The following MIPOL1 variants were observed in gnomAD, a reference collection of about 807,000 sequenced individuals.
The protein encoded by MIPOL1 is mirror-image polydactyly 1.
In MIPOL1, 57 loss-of-function variants were observed where a neutral mutation model predicts 60.9. That is an observed-to-expected ratio of 0.94 (90% CI 0.76 to 1.17). The LOEUF (loss-of-function observed/expected upper bound fraction) is 1.17, where lower values mean the gene tolerates loss of function less well. Ranked by LOEUF, MIPOL1 falls within the 50% of genes most tolerant of loss-of-function variation. The probability of loss-of-function intolerance (pLI) is 0.00; values close to 1 mark genes in which losing one functional copy is unlikely to be tolerated. For synonymous variants in MIPOL1, 179 were observed against 168.8 expected (o/e 1.06, Z -0.47); for missense variants, 551 against 511.6 (o/e 1.08, Z -0.74).
At chr14:37,199,612 C>T (rs1274887510) in intron 1 of MIPOL1, among the ~76,000 whole-genome samples, 1 of 151,974 alleles carries the variant, frequency 6.6e-6, no homozygotes, top group East Asian at 1.9e-4. Flanking sequence ...GCAACCTCCG[C>T]CTCCCGGGAT....
chr14:37,500,195 T>G (rs2095195871), intron 12 of MIPOL1, 57 bp downstream of exon 12: 2 of 1,160,878 alleles, frequency 1.7e-6, no homozygotes, highest in Non-Finnish European at 2.5e-6. Context: ...ACAAAACACT[T>G]TCTTTTGGGA....
chr14:37,337,356 ATTT>A (rs33972471), intron 9 of MIPOL1, among the ~76,000 whole-genome samples: 59 of 29,784 alleles, frequency 2.0e-3, no homozygotes, highest in African/African-American at 3.9e-3. Context: ...ATATATATAT[ATTT>A]TTTTTTTTTT....
At chr14:37,526,821 G>A (rs1412741112) in intron 12 of MIPOL1, among the ~76,000 whole-genome samples, 1 of 151,978 alleles carries the variant, frequency 6.6e-6, no homozygotes, top group Non-Finnish European at 1.5e-5. Flanking sequence ...AAAAATGTGT[G>A]TTCTTTTAAT....
intron 12 of MIPOL1, among the ~76,000 whole-genome samples, chr14:37,518,100 A>G (rs1041323061): frequency 1.3e-5 from 2 of 152,188 alleles, no homozygotes; most frequent in Non-Finnish European, 2.9e-5. Context: ...ATACATCCTT[A>G]GTGGCATATA....
intron 1 of MIPOL1, among the ~76,000 whole-genome samples, chr14:37,233,200 T>G (rs1457464661): frequency 6.6e-6 from 1 of 152,190 alleles, no homozygotes; most frequent in Non-Finnish European, 1.5e-5. Context: ...AGTCATTCTT[T>G]GATTGTTGGG....
chr14:37,302,671 T>C (rs1357482579), intron 7 of MIPOL1, among the ~76,000 whole-genome samples: 1 of 151,340 alleles, frequency 6.6e-6, no homozygotes, highest in Admixed American at 6.6e-5. Context: ...TCTTATATTC[T>C]ACCACCATTT....
At chr14:37,353,764 A>AT (rs2091589696) in intron 9 of MIPOL1, among the ~76,000 whole-genome samples, 1 of 152,064 alleles carries the variant, frequency 6.6e-6, no homozygotes. Flanking sequence ...CCAGTTTATC[A>AT]TTTTTTAATG....
At chr14:37,478,681 T>C (rs1324860782) in intron 11 of MIPOL1, among the ~76,000 whole-genome samples, 1 of 152,100 alleles carries the variant, frequency 6.6e-6, no homozygotes, top group Non-Finnish European at 1.5e-5. Context: ...CTAACTTTAC[T>C]TTTAAGGACA....
intron 12 of MIPOL1, chr14:37,502,020 T>G (rs1239376210): frequency 6.6e-6 from 1 of 152,334 alleles, no homozygotes; most frequent in African/African-American, 2.4e-5. Flanking sequence ...GAGATCCACC[T>G]GTGAGGCTGC....
At chr14:37,268,872 A>T in intron 5 of MIPOL1, 79 bp downstream of exon 5, 2 of 1,190,274 alleles carry the variant, frequency 1.7e-6, no homozygotes, top group Non-Finnish European at 2.3e-6. Flanking sequence ...TGCCCATCAT[A>T]ATTCAGTTTT....
intron 11 of MIPOL1, among the ~76,000 whole-genome samples, chr14:37,454,879 A>G (rs1011908226): frequency 8.5e-5 from 13 of 152,216 alleles, no homozygotes; most frequent in African/African-American, 3.1e-4. Flanking sequence ...AAAAAGGGCA[A>G]TATCGATTAT....
At chr14:37,233,424 A>T (rs1194425148) in intron 1 of MIPOL1, among the ~76,000 whole-genome samples, 6 of 152,240 alleles carry the variant, frequency 3.9e-5, no homozygotes, top group Admixed American at 3.3e-4. Flanking sequence ...AAAGATAAAA[A>T]ATATAAACTT....
chr14:37,486,919 C>T (rs989028433), intron 11 of MIPOL1, among the ~76,000 whole-genome samples: 1 of 152,162 alleles, frequency 6.6e-6, no homozygotes, highest in Admixed American at 6.6e-5. Context: ...TGCCAGTTTT[C>T]AAAGGGAATT....
chr14:37,548,827 T>C lies in MIPOL1; in HGVS notation c.*1856T>C, dbSNP rs1226063798. The C allele has an allele frequency of 2.0e-5, 3 of 151,996 alleles. No homozygotes were observed. Among genetic ancestry groups the C allele is most frequent in the African/African-American group, 7.2e-5 (3 of 41,442 alleles). 9.4% of individuals were successfully genotyped at this position (151,996 alleles called of 1,614,324 possible). A position where few individuals can be genotyped will look rare whatever the true frequency, so the allele number is the denominator to read the frequency against. Reference sequence around the variant, plus strand: ...ACATTTCACAATTTCCAAACAAATCTTTCTACGCTTAAATGATCAAATTAG... The same window carrying C: ...ACATTTCACAATTTCCAAACAAATCCTTCTACGCTTAAATGATCAAATTAG... On this transcript the variant is annotated 3_prime_UTR_variant, in exon 13 of 13. Coordinates refer to ENST00000684589, the MANE Select transcript of MIPOL1 (RefSeq NM_001388067.1).
intron 7 of MIPOL1, among the ~76,000 whole-genome samples, chr14:37,292,994 A>G (rs780376496): frequency 2.0e-5 from 3 of 152,064 alleles, no homozygotes; most frequent in Non-Finnish European, 4.4e-5. Flanking sequence ...GGTTCATGCT[A>G]TCTGGCCTCT....
At position 37,384,928 on chromosome 14, in the gene MIPOL1, A is replaced by G. The variant is rs112189484; in HGVS notation, c.936+15304A>G. ...TTTGTAGCAGTTTGGGAATTATTTT[A>G]CTTTCTGTCTTCTATTTTTCTCTGT... On this transcript the variant is annotated intron_variant, in intron 10 of 12. Coordinates refer to ENST00000684589, the MANE Select transcript of MIPOL1 (RefSeq NM_001388067.1). 2.3e-3 allele frequency among the ~76,000 whole-genome samples: 351 copies of G among 152,050 alleles called. 2 individuals are homozygous for G. The highest frequency in any genetic ancestry group is 7.9e-3 in the African/African-American group (329 of 41,542).
chr14:37,546,909 G>A lies in MIPOL1; in HGVS notation c.1267G>A (p.Glu423Lys), dbSNP rs754286758. Residue 423 changes from glutamate to lysine, a missense_variant, in exon 13 of 13, where the codon GAA becomes AAA. By Grantham distance (56) the Glu-to-Lys change is moderately conservative. Coordinates refer to ENST00000684589, the MANE Select transcript of MIPOL1 (RefSeq NM_001388067.1). ...QVANEKVQKL[E>K]RLVDVLRKKV... ...CCCATCCCAACCCCAACTTAGGTTGGAAAGGCTGGTGGATGTACTGAGGAA... is the reference window on the plus strand; with the variant it reads ...CCCATCCCAACCCCAACTTAGGTTGAAAAGGCTGGTGGATGTACTGAGGAA... The A allele has an allele frequency of 8.7e-6, 14 of 1,607,064 alleles. No homozygotes were observed. Among genetic ancestry groups the A allele is most frequent in the Non-Finnish European group, 8.5e-7 (1 of 1,176,132 alleles).
chr14:37,351,694 G>A (rs1443477320), intron 9 of MIPOL1, among the ~76,000 whole-genome samples: 2 of 136,442 alleles, frequency 1.5e-5, no homozygotes, highest in African/African-American at 2.8e-5. Flanking sequence ...TTTTTTGGCT[G>A]CATAAATGTC....
chr14:37,268,989 A>G (rs556132423), intron 5 of MIPOL1, among the ~76,000 whole-genome samples, 196 bp downstream of exon 5: 1 of 152,172 alleles, frequency 6.6e-6, no homozygotes, highest in African/African-American at 2.4e-5. Flanking sequence ...TTTTGATTTC[A>G]TACCTTGCTG....
Sources: allele counts gnomAD v4.1 joint callset (sites outside exome capture counted in the v4.1 genomes callset), GRCh38; gene constraint gnomAD v4.1.1; transcripts MANE v1.5; gene names NCBI Gene and HGNC (gene_info 2026-07-23, HGNC 2026-07-21).